Variants in SMARCAD1 observed in about 807,000 individuals in gnomAD.
SMARCAD1 encodes SWI/SNF-related matrix-associated actin-dependent regulator of chromatin subfamily A containing DEAD/H box 1.
In SMARCAD1, 25 loss-of-function variants were observed where a neutral mutation model predicts 127.1. The observed-to-expected ratio is 0.20, with a 90% confidence interval of 0.14 to 0.27. The LOEUF is 0.27. Among genes scored for constraint, SMARCAD1 ranks in the 10% least tolerant of loss-of-function variants. The pLI, the probability that SMARCAD1 is intolerant of heterozygous loss-of-function variation, is 1.00. For missense variants in SMARCAD1, 807 were observed against 1,206.0 expected (o/e 0.67, Z 4.90); for synonymous variants, 400 against 396.9 (o/e 1.01, Z -0.09).
Position 94,253,486 on chromosome 4 carries a change from A to T in SMARCAD1, c.1281+479A>T, listed in dbSNP as rs1010182875. 6 of 1,130,496 alleles carry T rather than the reference A, an allele frequency of 5.3e-6. No individual in the cohort carries two copies. In the South Asian group the frequency reaches 1.2e-4, roughly 23 times the overall value. 70.0% of individuals were successfully genotyped at this position (1,130,496 alleles called of 1,614,324 possible). On this transcript the variant is annotated intron_variant, in intron 9 of 23. Coordinates refer to ENST00000354268, the MANE Select transcript of SMARCAD1 (RefSeq NM_020159.5). ...AGTGTTTTATGCTTCACCACAAAAGAAGCAATTGTTTATTTTCTTTTTTTC... is the reference window on the plus strand; with the variant it reads ...AGTGTTTTATGCTTCACCACAAAAGTAGCAATTGTTTATTTTCTTTTTTTC...
At chr4:94,208,159 GA>G in intron 1 of SMARCAD1, 89 bp downstream of exon 1, 1 of 670,912 alleles carries the variant, frequency 1.5e-6, no homozygotes, top group South Asian at 1.5e-5. Flanking sequence ...AAAAGCAATG[GA>G]AAATTTTAAA....
chr4:94,236,362 A>T (rs13102349), intron 4 of SMARCAD1, among the ~76,000 whole-genome samples: 7,503 of 152,230 alleles, frequency 0.049, 265 homozygotes, highest in Non-Finnish European at 0.069. Flanking sequence ...GTATATTAGA[A>T]TGATGTCATG....
In SMARCAD1 at chr4:94,290,221, C is replaced by T; in HGVS notation, c.*687C>T. 2.2e-6 allele frequency: 1 copy of T among 454,466 alleles called. No individual in the cohort carries two copies. The highest frequency in any genetic ancestry group is 6.9e-4 in the Middle Eastern group (1 of 1,444). The allele number at this position is 454,466 out of a possible 1,614,324, so 28.2% of individuals were successfully genotyped here. A position where few individuals can be genotyped will look rare whatever the true frequency, so the allele number is the denominator to read the frequency against. ...CCCTACCTTGCTCCATGGATTAATT[C>T]CTTCTGTTCATTTTCCAACTGCACT... On this transcript the variant is annotated 3_prime_UTR_variant, in exon 24 of 24. Coordinates refer to ENST00000354268, the MANE Select transcript of SMARCAD1 (RefSeq NM_020159.5).
intron 6 of SMARCAD1, among the ~76,000 whole-genome samples, chr4:94,244,045 T>C (rs1403289775): frequency 6.6e-6 from 1 of 152,090 alleles, no homozygotes; most frequent in Non-Finnish European, 1.5e-5. Flanking sequence ...AAAATAAAAG[T>C]GTATGTATGG....
At chr4:94,250,531 C>CA (rs569438674) in intron 7 of SMARCAD1, among the ~76,000 whole-genome samples, 6 of 151,800 alleles carry the variant, frequency 4.0e-5, no homozygotes, top group Non-Finnish European at 5.9e-5. Context: ...ATTAGAAATG[C>CA]AAAAAAATGT....
intron 6 of SMARCAD1, among the ~76,000 whole-genome samples, chr4:94,243,946 A>C (rs1748007705): frequency 6.6e-6 from 1 of 152,228 alleles, no homozygotes; most frequent in Non-Finnish European, 1.5e-5. Context: ...GAAACAAGAA[A>C]ACATTTGGAA....
chr4:94,290,724 T>A lies in SMARCAD1; in HGVS notation c.*1190T>A, dbSNP rs1560577273. 1 of 432,672 alleles carries A rather than the reference T, an allele frequency of 2.3e-6. No individual in the cohort carries two copies. The highest frequency in any genetic ancestry group is 4.6e-6 in the Non-Finnish European group (1 of 218,942). 26.8% of individuals were successfully genotyped at this position (432,672 alleles called of 1,614,324 possible). On this transcript the variant is annotated 3_prime_UTR_variant, in exon 24 of 24. Coordinates refer to ENST00000354268, the MANE Select transcript of SMARCAD1 (RefSeq NM_020159.5). ...CTGCCTGTCAGTCTATATTGCTGTT[T>A]TTATTATACATCAGTTTCTTTGTAT...
chr4:94,233,972 T>C lies in SMARCAD1; in HGVS notation c.387T>C (p.Asp129=). 6.2e-7 allele frequency: 1 copy of C among 1,613,744 alleles called. No individual in the cohort carries two copies. Among genetic ancestry groups the C allele is most frequent in the Non-Finnish European group, 8.5e-7 (1 of 1,179,780 alleles). The change falls in exon 4 of 24, where the codon GAT becomes GAC. Residue 129 remains aspartate, a synonymous_variant. Transcript: ENST00000354268. ...TTTTTAGTTCTGAGCCATCTGAAGA[T>C]GAAGAGTCCCAAGGCCTTCCTACCA... The part of the protein sequence containing the change: ...TVIIVSEPSE[D]EESQGLPTMA...
At chr4:94,249,594 C>T in intron 6 of SMARCAD1, 60 bp from the exon 7 acceptor site, 1 of 882,786 alleles carries the variant, frequency 1.1e-6, no homozygotes, top group African/African-American at 1.6e-5. Context: ...TGATAATTGC[C>T]TTAAGACCAT....
At position 94,209,459 on chromosome 4, in the gene SMARCAD1, T is replaced by G. The variant is rs567552265; in HGVS notation, c.190+875T>G. On this transcript the variant is annotated intron_variant, in intron 2 of 23. Transcript: ENST00000354268. ...GGAAAGGTGAAAGGAATGTTGGAAG[T>G]TATATTTTAATATTTATTTCAGTAA... Among the ~76,000 whole-genome samples the G allele has an allele frequency of 5.3e-5, 8 of 152,326 alleles. No individual in the cohort carries two copies. In the South Asian group the frequency reaches 1.7e-3, roughly 32 times the overall value.
At chr4:94,245,057 T>C (rs1748207555) in intron 6 of SMARCAD1, among the ~76,000 whole-genome samples, 1 of 152,210 alleles carries the variant, frequency 6.6e-6, no homozygotes, top group Non-Finnish European at 1.5e-5. Flanking sequence ...AGTGTTTGTG[T>C]TATGTGTGGC....
intron 9 of SMARCAD1, among the ~76,000 whole-genome samples, chr4:94,264,023 A>C (rs972068489): frequency 1.3e-5 from 2 of 151,942 alleles, no homozygotes; most frequent in African/African-American, 4.8e-5. Flanking sequence ...AAATTCTGTG[A>C]GTTTTCACAG....
intron 12 of SMARCAD1, among the ~76,000 whole-genome samples, chr4:94,274,426 C>T (rs1045201587): frequency 6.6e-5 from 10 of 152,268 alleles, no homozygotes; most frequent in South Asian, 2.1e-4. Context: ...CCCAGGTTCT[C>T]GTGCCTCAGC....
intron 2 of SMARCAD1, among the ~76,000 whole-genome samples, chr4:94,220,379 C>T (rs1045883885): frequency 6.6e-6 from 1 of 152,114 alleles, no homozygotes; most frequent in South Asian, 2.1e-4. Flanking sequence ...TCCCTAGTAG[C>T]TGGGACTACA....
chr4:94,270,938 C>T (rs1752459678), intron 11 of SMARCAD1, 120 bp downstream of exon 11: 1 of 774,202 alleles, frequency 1.3e-6, no homozygotes, highest in South Asian at 1.5e-5. Flanking sequence ...ACCTCAGTAC[C>T]TTATATTTTA....
At chr4:94,268,721 C>T (rs1363152810) in intron 10 of SMARCAD1, among the ~76,000 whole-genome samples, 1 of 152,154 alleles carries the variant, frequency 6.6e-6, no homozygotes, top group African/African-American at 2.4e-5. Context: ...TACTTAACTT[C>T]TGTGAGCCGC....
At chr4:94,255,072 A>G (rs1283879135) in intron 9 of SMARCAD1, among the ~76,000 whole-genome samples, 1 of 152,090 alleles carries the variant, frequency 6.6e-6, no homozygotes, top group Non-Finnish European at 1.5e-5. Context: ...AGGAAACAAA[A>G]GCCAAAAAAA....
In SMARCAD1 at chr4:94,272,039, A is replaced by T. The variant is rs180753952; in HGVS notation, c.1572+1221A>T. Among the ~76,000 whole-genome samples the T allele has an allele frequency of 9.8e-5, 15 of 152,344 alleles. No individual in the cohort carries two copies. The East Asian group carries it at 2.9e-3, about 29-fold the overall frequency. ...CAATTCTGGAGGTGGACAGTCCAAG[A>T]TGAGTGTATCGGTAGCTTGCGTTTC... On this transcript the variant is annotated intron_variant, in intron 11 of 23. Coordinates refer to ENST00000354268, the MANE Select transcript of SMARCAD1 (RefSeq NM_020159.5).
chr4:94,275,017 T>A, intron 14 of SMARCAD1, 52 bp downstream of exon 14: 1 of 1,286,764 alleles, frequency 7.8e-7, no homozygotes, highest in Non-Finnish European at 1.1e-6. Flanking sequence ...CCCCCAAATT[T>A]AAAAAAGAAA....
Sources: allele counts gnomAD v4.1 joint callset (sites outside exome capture counted in the v4.1 genomes callset), GRCh38; gene constraint gnomAD v4.1.1; transcripts MANE v1.5; gene names NCBI Gene and HGNC (gene_info 2026-07-23, HGNC 2026-07-21).